KCTD16: variants seen among roughly 807,000 people sequenced by gnomAD.
KCTD16 encodes BTB/POZ domain-containing protein KCTD16.
Under a neutral mutation model 33.2 loss-of-function variants are expected in KCTD16, and 13 were observed. That is an observed-to-expected ratio of 0.39 (90% CI 0.25 to 0.62). KCTD16 has a LOEUF of 0.62. KCTD16 is among the 20% of genes least tolerant of loss of function. The pLI, the probability that KCTD16 is intolerant of heterozygous loss-of-function variation, is 0.50. For missense variants in KCTD16, 441 were observed against 525.1 expected, an observed-to-expected ratio of 0.84 and a Z score of 1.57; for synonymous variants, 197 against 195.3, an observed-to-expected ratio of 1.01 and a Z score of -0.07.
chr5:144,175,394 GATTA>G (rs1752483784), intron 2 of KCTD16, among the ~76,000 whole-genome samples: 2 of 152,146 alleles, frequency 1.3e-5, no homozygotes, highest in Non-Finnish European at 2.9e-5. Flanking sequence ...CAATAATTCT[GATTA>G]ATATACTAAT....
chr5:144,460,931 CTCT>C (rs1232331760), intron 3 of KCTD16, among the ~76,000 whole-genome samples: 2 of 152,132 alleles, frequency 1.3e-5, no homozygotes, highest in African/African-American at 4.8e-5. Context: ...ACCATGATTT[CTCT>C]TCTTCTGTTA....
At chr5:144,423,792 A>G (rs1753262504) in intron 3 of KCTD16, among the ~76,000 whole-genome samples, 1 of 152,122 alleles carries the variant, frequency 6.6e-6, no homozygotes. Flanking sequence ...AGGTAAGAGA[A>G]AAAAAGTAAT....
At chr5:144,371,374 CCATGATGGAGAGGCAGGT>C (rs1241895161) in intron 3 of KCTD16, among the ~76,000 whole-genome samples, 15 of 152,096 alleles carry the variant, frequency 9.9e-5, no homozygotes, top group African/African-American at 3.6e-4. Context: ...GTCATTTCTA[CCATGATGGAGAGGCAGGT>C]CATTCAAGAC....
At chr5:144,403,380 A>C (rs922985966) in intron 3 of KCTD16, among the ~76,000 whole-genome samples, 1 of 152,234 alleles carries the variant, frequency 6.6e-6, no homozygotes, top group African/African-American at 2.4e-5. Context: ...AAATTTGGAC[A>C]CAGACACACA....
intron 3 of KCTD16, among the ~76,000 whole-genome samples, chr5:144,406,546 A>G (rs188012047): frequency 1.4e-3 from 213 of 152,344 alleles, no homozygotes; most frequent in Non-Finnish European, 2.4e-3. Flanking sequence ...TCAAAAGGCA[A>G]GATTTTCCCC....
chr5:144,377,528 C>T (rs987416756), intron 3 of KCTD16, among the ~76,000 whole-genome samples: 2 of 152,144 alleles, frequency 1.3e-5, no homozygotes, highest in African/African-American at 4.8e-5. Context: ...AGAGTCAGTC[C>T]ACAGACCAGC....
At chr5:144,175,289 T>C (rs1752477963) in intron 2 of KCTD16, among the ~76,000 whole-genome samples, 1 of 152,184 alleles carries the variant, frequency 6.6e-6, no homozygotes. Flanking sequence ...TGGTAGAAAA[T>C]AGTAGACTAG....
chr5:144,409,263 C>T (rs1752879895), intron 3 of KCTD16, among the ~76,000 whole-genome samples: 1 of 152,010 alleles, frequency 6.6e-6, no homozygotes, highest in Non-Finnish European at 1.5e-5. Flanking sequence ...TTTTACATGT[C>T]TTTAAGTTTT....
intron 3 of KCTD16, among the ~76,000 whole-genome samples, chr5:144,304,645 T>C (rs1580858712): frequency 6.6e-6 from 1 of 152,122 alleles, no homozygotes; most frequent in East Asian, 1.9e-4. Flanking sequence ...GAGACATGAT[T>C]GGGGATGAGG....
At chr5:144,357,988 A>G (rs1751610225) in intron 3 of KCTD16, among the ~76,000 whole-genome samples, 1 of 151,996 alleles carries the variant, frequency 6.6e-6, no homozygotes, top group Non-Finnish European at 1.5e-5. Context: ...CAGTGGTGCA[A>G]TCATAGTTCA....
At chr5:144,430,089 TATG>T (rs1467722200) in intron 3 of KCTD16, among the ~76,000 whole-genome samples, 4 of 152,120 alleles carry the variant, frequency 2.6e-5, no homozygotes, top group Non-Finnish European at 4.4e-5. Flanking sequence ...GCTGAATCTA[TATG>T]ATATCTTCAG....
At chr5:144,441,118 G>GT (rs1299602000) in intron 3 of KCTD16, among the ~76,000 whole-genome samples, 1 of 151,968 alleles carries the variant, frequency 6.6e-6, no homozygotes, top group Non-Finnish European at 1.5e-5. Context: ...GGTTATCTAT[G>GT]TTTTTTTATT....
At chr5:144,194,871 T>C (rs1752912841) in intron 2 of KCTD16, among the ~76,000 whole-genome samples, 2 of 152,234 alleles carry the variant, frequency 1.3e-5, no homozygotes, top group African/African-American at 4.8e-5. Context: ...AAATTGTGTT[T>C]TGGTATTTTT....
chr5:144,347,533 T>G (rs1752836080), intron 3 of KCTD16, among the ~76,000 whole-genome samples: 1 of 152,024 alleles, frequency 6.6e-6, no homozygotes, highest in Non-Finnish European at 1.5e-5. Flanking sequence ...AGGCGGAAGT[T>G]GCAGTGAGCC....
intron 3 of KCTD16, among the ~76,000 whole-genome samples, chr5:144,228,727 A>G (rs1463063709): frequency 1.3e-5 from 2 of 152,238 alleles, no homozygotes; most frequent in African/African-American, 4.8e-5. Flanking sequence ...ATATCCTTGG[A>G]TAAGTAAGAA....
chr5:144,442,147 G>A (rs1279210195), intron 3 of KCTD16, among the ~76,000 whole-genome samples: 2 of 151,940 alleles, frequency 1.3e-5, no homozygotes, highest in Non-Finnish European at 2.9e-5. Context: ...AGTAGTATTG[G>A]TTTTTGTTAC....
chr5:144,377,686 A>G (rs1266293292), intron 3 of KCTD16: 1 of 152,118 alleles, frequency 6.6e-6, no homozygotes, highest in East Asian at 1.9e-4. Context: ...ATCAGCCAAG[A>G]ATGACATCCT....
At chr5:144,199,447 T>G (rs1752999895) in intron 2 of KCTD16, among the ~76,000 whole-genome samples, 1 of 152,190 alleles carries the variant, frequency 6.6e-6, no homozygotes, top group Non-Finnish European at 1.5e-5. Flanking sequence ...GAGGCAAAGG[T>G]AGGCGTCTTG....
chr5:144,241,583 G>T (rs1482675064), intron 3 of KCTD16, among the ~76,000 whole-genome samples: 1 of 152,106 alleles, frequency 6.6e-6, no homozygotes, highest in Non-Finnish European at 1.5e-5. Flanking sequence ...TAAGTATAAA[G>T]ACTTTATTGC....
Sources: gnomAD v4.1 joint callset for allele counts (sites outside exome capture counted in the v4.1 genomes callset) on GRCh38, gnomAD v4.1.1 for gene constraint, MANE v1.5 for transcripts, NCBI Gene and HGNC (gene_info 2026-07-23, HGNC 2026-07-21) for gene names.